RHBG: variants seen among roughly 807,000 people sequenced by gnomAD.
RHBG encodes Rh family B glycoprotein.
A neutral mutation model predicts 40.1 loss-of-function variants in RHBG; 39 were observed. That is an observed-to-expected ratio of 0.97 (90% CI 0.75 to 1.27). The LOEUF is 1.27. Ranked by LOEUF, RHBG falls within the 50% of genes most tolerant of loss-of-function variation. RHBG has a pLI of 0.00. For missense variants in RHBG, 549 were observed against 588.1 expected (o/e 0.93, Z 0.69); for synonymous variants, 237 against 252.5 (o/e 0.94, Z 0.58).
intron 7 of RHBG, 135 bp from the exon 8 acceptor site, chr1:156,382,612 TG>T: frequency 1.1e-5 from 12 of 1,077,104 alleles, no homozygotes; most frequent in Non-Finnish European, 1.6e-5. Context: ...AGACTCAGCC[TG>T]GCATGCACCC....
In RHBG at chr1:156,382,852, T is replaced by C; in HGVS notation, c.1217T>C (p.Val406Ala). 1 of 1,614,222 alleles carries C rather than the reference T, an allele frequency of 6.2e-7. No homozygotes were observed. Among genetic ancestry groups the C allele is most frequent in the South Asian group, 1.1e-5 (1 of 91,084 alleles). ...GLFVTLMFAS[V>A]GGGLGGLLLK... ...TTTGTCACACTGATGTTTGCCTCTG[T>C]GGGCGGGGGCCTTGGAGGTGAGTAA... The change falls in exon 8 of 10, where the codon GTG becomes GCG. Residue 406 changes from valine (V) to alanine (A), a missense_variant. Coordinates refer to ENST00000537040, the MANE Select transcript of RHBG (RefSeq NM_020407.5).
chr1:156,384,531 C>T lies in RHBG; in HGVS notation c.1239C>T (p.Leu413=). The T allele has an allele frequency of 1.2e-6, 2 of 1,607,236 alleles. No homozygotes were observed. Among genetic ancestry groups the T allele is most frequent in the Non-Finnish European group, 1.7e-6 (2 of 1,177,434 alleles). Residue 413 remains leucine, a synonymous_variant, in exon 9 of 10, where the codon CTC becomes CTT. Coordinates refer to ENST00000537040, the MANE Select transcript of RHBG (RefSeq NM_020407.5). ...FASVGGGLGG[L]LLKLPFLDSP... is the part of the protein sequence containing the mutation. ...ATCCTCCCCTACCACCACCAGGGCT[C>T]CTGCTGAAGCTACCCTTTCTGGACT... is the stretch of plus-strand genomic sequence containing the variant.
rs372568552 is a variant in RHBG at position 156,384,871 on chromosome 1, C to T, written c.*26C>T. ...CCCACTGCCAGCCCCTGAGAGGACA[C>T]GCTCCTTTTCGAAGATGCTGACTGG... On this transcript the variant is annotated 3_prime_UTR_variant, in exon 10 of 10. Coordinates refer to ENST00000537040, the MANE Select transcript of RHBG (RefSeq NM_020407.5). 3.3e-5 allele frequency: 49 copies of T among 1,464,022 alleles called. No individual in the cohort carries two copies. Among genetic ancestry groups the T allele is most frequent in the South Asian group, 8.2e-5 (7 of 85,484 alleles). The allele number at this position is 1,464,022 out of a possible 1,614,324, so 90.7% of individuals were successfully genotyped here.
At chr1:156,369,643 C>T (rs188173257) in intron 1 of RHBG, among the ~76,000 whole-genome samples, 112 of 152,268 alleles carry the variant, frequency 7.4e-4, no homozygotes, top group African/African-American at 2.6e-3. Context: ...TGCCTTATCT[C>T]ACTTAGTCTA....
At chr1:156,372,853 A>T (rs1356510323) in intron 1 of RHBG, among the ~76,000 whole-genome samples, 1 of 152,212 alleles carries the variant, frequency 6.6e-6, no homozygotes, top group African/African-American at 2.4e-5. Context: ...GTGCAGTGGC[A>T]TGATCACAGT....
In RHBG at chr1:156,370,614, CAAAAAAAAAAAAAAA is replaced by C. The variant is rs59248542; in HGVS notation, c.187+1190_187+1204del. Among the ~76,000 whole-genome samples, 13 of 66,096 alleles carry C rather than the reference CAAAAAAAAAAAAAAA, an allele frequency of 2.0e-4. 1 individual carries two copies. The highest frequency in any genetic ancestry group is 3.1e-4 in the African/African-American group (5 of 16,200). 43.4% of individuals were successfully genotyped at this position (66,096 alleles called of 152,430 possible). A position where few individuals can be genotyped will look rare whatever the true frequency, so the allele number is the denominator to read the frequency against. Reference sequence around the variant, plus strand: ...GCAATGACAGAGTGAGACTCTGTCTCAAAAAAAAAAAAAAAAAAAAAAAAAAGAAAGAAAATGAAG... The same window carrying C: ...GCAATGACAGAGTGAGACTCTGTCTCAAAAAAAAAAAGAAAGAAAATGAAG... On this transcript the variant is annotated intron_variant, in intron 1 of 9. Transcript: ENST00000537040.
chr1:156,371,423 G>A, intron 1 of RHBG: 3 of 303,186 alleles, frequency 9.9e-6, no homozygotes, highest in South Asian at 2.7e-5. Flanking sequence ...GCCTCCCAAT[G>A]TGCTGGGATT....
rs74229290 is a variant in RHBG at position 156,369,965 on chromosome 1, T to C, written c.187+529T>C. On this transcript the variant is annotated intron_variant, in intron 1 of 9. Coordinates refer to ENST00000537040, the MANE Select transcript of RHBG (RefSeq NM_020407.5). The stretch of plus-strand genomic sequence containing the variant: ...CACACGTGTAGGCAGCCAAGACCAG[T>C]TGGGATCAGGCATTTCTTCCCTAGT... Among the ~76,000 whole-genome samples the C allele has an allele frequency of 0.014, 2,064 of 152,112 alleles. 121 individuals carry two copies. In the East Asian group the frequency reaches 0.17, roughly 13 times the overall value.
chr1:156,384,881 C>A lies in RHBG; in HGVS notation c.*36C>A. 7.2e-7 allele frequency: 1 copy of A among 1,380,740 alleles called. No individual in the cohort carries two copies. The highest frequency in any genetic ancestry group is 1.0e-6 in the Non-Finnish European group (1 of 981,840). 85.5% of individuals were successfully genotyped at this position (1,380,740 alleles called of 1,614,324 possible). A position where few individuals can be genotyped will look rare whatever the true frequency, so the allele number is the denominator to read the frequency against. ...GCCCCTGAGAGGACACGCTCCTTTT[C>A]GAAGATGCTGACTGGCTGCTACTAG... On this transcript the variant is annotated 3_prime_UTR_variant, in exon 10 of 10. Transcript: ENST00000537040.
rs1342363971 is a variant in RHBG, at chr1:156,369,253, G to T, written c.4G>T (p.Ala2Ser). The change falls in exon 1 of 10, where the codon GCC becomes TCC. Residue 2 changes from alanine (A) to serine (S), a missense_variant. Ala to Ser is a moderately conservative substitution (Grantham distance 99). Around this residue, in one of 3 missense-constraint regions of RHBG, gnomAD observed 99 missense variants for 85.2 expected, o/e 1.16. Transcript: ENST00000537040. The stretch of plus-strand genomic sequence containing the variant: ...AGCCGAGATCGCAGCCCAACCCATG[G>T]CCGGGTCTCCTAGCCGCGCCGCGGG... Reference protein sequence around the residue: MAGSPSRAAGRR... With the variant: MSGSPSRAAGRR... 6.2e-7 allele frequency: 1 copy of T among 1,612,632 alleles called. No individual in the cohort carries two copies. Among genetic ancestry groups the T allele is most frequent in the Admixed American group, 1.7e-5 (1 of 59,952 alleles).
At chr1:156,382,257 C>A in intron 7 of RHBG, 56 bp downstream of exon 7, 1 of 1,606,062 alleles carries the variant, frequency 6.2e-7, no homozygotes, top group South Asian at 1.1e-5. Context: ...TGACCTCTGT[C>A]ATTCTCTTTC....
Position 156,377,576 on chromosome 1 carries a change from T to G in RHBG, c.374+89T>G, listed in dbSNP as rs1667305223. 2.2e-6 allele frequency: 3 copies of G among 1,378,250 alleles called. No individual in the cohort carries two copies. The highest frequency in any genetic ancestry group is 1.4e-5 in the South Asian group (1 of 73,668). The allele number at this position is 1,378,250 out of a possible 1,614,324, so 85.4% of individuals were successfully genotyped here. ...CGGATCTAGCCCTGTCCTTCAAGTC[T>G]GCTTCCTGACTCACGATTCTGGGCG... On this transcript the variant is annotated intron_variant, in intron 2 of 9. Transcript: ENST00000537040. This position sits in a 1 kb window ranked among gnomAD's most constrained non-coding sequence, Gnocchi z 4.6.
At chr1:156,382,569 T>A in intron 7 of RHBG, 179 bp from the exon 8 acceptor site, 1 of 768,430 alleles carries the variant, frequency 1.3e-6, no homozygotes, top group Non-Finnish European at 2.2e-6. Flanking sequence ...TGTTCCAGGC[T>A]GTGGGCCTGG....
intron 4 of RHBG, among the ~76,000 whole-genome samples, chr1:156,380,593 G>C (rs1420566883): frequency 4.0e-5 from 6 of 151,482 alleles, no homozygotes; most frequent in Admixed American, 3.9e-4. Context: ...GGGTGTGGTG[G>C]TGGGCGCCTG....
chr1:156,371,177 T>C (rs1167233109), intron 1 of RHBG: 12 of 430,184 alleles, frequency 2.8e-5, no homozygotes, highest in African/African-American at 1.5e-4. Context: ...TTTTTTTTTT[T>C]TTAGAAGAGT....
chr1:156,384,806 G>A lies in RHBG; in HGVS notation c.1338G>A (p.Gln446=). The A allele has an allele frequency of 6.2e-7, 1 of 1,613,982 alleles. No individual in the cohort carries two copies. The highest frequency in any genetic ancestry group is 8.5e-7 in the Non-Finnish European group (1 of 1,179,938). Residue 446 remains glutamine (Q), a synonymous_variant, in exon 10 of 10, where the codon CAG becomes CAA. Transcript: ENST00000537040. ...QVPGEHEDKA[Q]RPLRVEEADT... The stretch of plus-strand genomic sequence containing the variant: ...CTGGCGAGCATGAGGATAAAGCCCA[G>A]AGACCTCTGAGGGTGGAGGAGGCAG...
At chr1:156,378,479 G>A in intron 4 of RHBG, 80 bp downstream of exon 4, 2 of 1,488,590 alleles carry the variant, frequency 1.3e-6, no homozygotes, top group South Asian at 2.7e-5. Flanking sequence ...TGTCTCTCGG[G>A]GTGCTGACTG....
chr1:156,380,578 T>C (rs554882648), intron 4 of RHBG, among the ~76,000 whole-genome samples: 1 of 151,342 alleles, frequency 6.6e-6, no homozygotes, highest in South Asian at 2.1e-4. Flanking sequence ...ATACAAAAAT[T>C]ACCTGGGTGT....
chr1:156,377,877 C>A lies in RHBG; in HGVS notation c.375-113C>A. ...TGAGCTCCTTGTCTTCTCTCCAGAA[C>A]TCCAACCCCACCCCACCCACCACAT... On this transcript the variant is annotated intron_variant, in intron 2 of 9. Coordinates refer to ENST00000537040, the MANE Select transcript of RHBG (RefSeq NM_020407.5). This position sits in a 1 kb window ranked among gnomAD's most constrained non-coding sequence, Gnocchi z 4.6. 1 of 1,171,630 alleles carries A rather than the reference C, an allele frequency of 8.5e-7. No homozygotes were observed. Among genetic ancestry groups the A allele is most frequent in the Non-Finnish European group, 1.2e-6 (1 of 841,444 alleles). The allele number at this position is 1,171,630 out of a possible 1,614,324, so 72.6% of individuals were successfully genotyped here.
Sources: allele counts gnomAD v4.1 joint callset (sites outside exome capture counted in the v4.1 genomes callset), GRCh38; gene constraint gnomAD v4.1.1; regional missense constraint gnomAD v4.1.1; non-coding constraint Gnocchi (gnomAD v3.1); transcripts MANE v1.5; gene names NCBI Gene and HGNC (gene_info 2026-07-23, HGNC 2026-07-21).